The following SLC35F3 variants were observed in gnomAD, a reference collection of about 807,000 sequenced individuals.
SLC35F3 encodes the protein putative thiamine transporter SLC35F3.
A neutral mutation model predicts 49.9 loss-of-function variants in SLC35F3; 25 were observed. The observed-to-expected ratio is 0.50, with a 90% CI of 0.37 to 0.70. The LOEUF is 0.70. SLC35F3 is among the 30% of genes least tolerant of loss of function. The pLI, the probability that SLC35F3 is intolerant of heterozygous loss-of-function variation, is 0.00. For synonymous variants in SLC35F3, 275 were observed against 265.4 expected (o/e 1.04, Z -0.35); for missense variants, 525 against 639.8 (o/e 0.82, Z 1.94).
intron 2 of SLC35F3, among the ~76,000 whole-genome samples, chr1:234,071,624 A>G (rs1236390059): frequency 6.6e-6 from 1 of 152,240 alleles, no homozygotes; most frequent in Non-Finnish European, 1.5e-5. Context: ...ATTTTTAGGA[A>G]TATTTAATGA....
chr1:234,142,659 C>CA lies in SLC35F3; in HGVS notation c.284-88748dup, dbSNP rs58116775. ...CCTTTGATAAAACTCATGCCAGCCT[C>CA]AAAAAAAAAACGCATGATGTGTCGC... On this transcript the variant is annotated intron_variant, in intron 2 of 7. Transcript: ENST00000366618. 5.0e-4 allele frequency among the ~76,000 whole-genome samples: 73 copies of CA among 146,904 alleles called. No individual in the cohort carries two copies. In the Middle Eastern group the frequency reaches 0.011, roughly 21 times the overall value.
At chr1:234,230,540 CTTTG>C (rs988655412) in intron 2 of SLC35F3, among the ~76,000 whole-genome samples, 88 of 152,196 alleles carry the variant, frequency 5.8e-4, no homozygotes, top group Admixed American at 9.2e-4. Flanking sequence ...CAAGCTACAG[CTTTG>C]TTTAAATTTC....
intron 2 of SLC35F3, among the ~76,000 whole-genome samples, chr1:234,013,959 C>T (rs1363180920): frequency 2.0e-5 from 3 of 152,018 alleles, no homozygotes; most frequent in African/African-American, 4.8e-5. Context: ...ATGAGGAAAG[C>T]CATACATCTG....
chr1:233,929,163 A>G (rs1662204726), intron 2 of SLC35F3, among the ~76,000 whole-genome samples: 1 of 152,158 alleles, frequency 6.6e-6, no homozygotes, highest in African/African-American at 2.4e-5. Context: ...CAATAATACA[A>G]TCTACCACAA....
intron 2 of SLC35F3, among the ~76,000 whole-genome samples, chr1:233,913,713 G>A (rs962438806): frequency 1.3e-5 from 2 of 152,196 alleles, no homozygotes; most frequent in African/African-American, 4.8e-5. Flanking sequence ...GAATTATCCT[G>A]CATAGAAACA....
intron 2 of SLC35F3, among the ~76,000 whole-genome samples, chr1:234,090,746 G>T (rs1280656450): frequency 6.6e-6 from 1 of 152,152 alleles, no homozygotes; most frequent in Non-Finnish European, 1.5e-5. Flanking sequence ...AGGGTCAGTG[G>T]TCTCAACCAG....
At chr1:234,291,176 G>A (rs1411815760) in intron 3 of SLC35F3, among the ~76,000 whole-genome samples, 1 of 152,168 alleles carries the variant, frequency 6.6e-6, no homozygotes, top group African/African-American at 2.4e-5. Context: ...AATCACTGTA[G>A]CCAAAAAAGC....
intron 2 of SLC35F3, among the ~76,000 whole-genome samples, chr1:234,227,920 T>C (rs2102948820): frequency 6.6e-6 from 1 of 152,370 alleles, no homozygotes; most frequent in East Asian, 1.9e-4. Context: ...CTAGAAATGA[T>C]GTCAAGTGTG....
In SLC35F3 at chr1:234,266,885, T is replaced by G. The variant is rs536418241; in HGVS notation, c.608+35144T>G. Among the ~76,000 whole-genome samples the G allele has an allele frequency of 1.4e-3, 198 of 145,608 alleles. 1 individual carries two copies. The highest frequency in any genetic ancestry group is 4.0e-3 in the African/African-American group (150 of 37,114). On this transcript the variant is annotated intron_variant, in intron 3 of 7. Coordinates refer to ENST00000366618, the MANE Select transcript of SLC35F3 (RefSeq NM_173508.4). ...TATGAAGCACATGGTTTTTTTTTTT[T>G]TTTTTTTTTTTTATTGATCATTCTT...
chr1:234,088,403 T>C (rs1664991360), intron 2 of SLC35F3, among the ~76,000 whole-genome samples: 2 of 152,204 alleles, frequency 1.3e-5, no homozygotes, highest in Admixed American at 1.3e-4. Flanking sequence ...AAAGGGATTT[T>C]TGCCATGTTG....
At chr1:234,239,671 T>C (rs1036279684) in intron 3 of SLC35F3, among the ~76,000 whole-genome samples, 6 of 152,226 alleles carry the variant, frequency 3.9e-5, no homozygotes, top group Non-Finnish European at 5.9e-5. Context: ...TCTGTCCTTA[T>C]AGGAAGGAAC....
At chr1:234,309,851 C>T (rs1276716142) in intron 4 of SLC35F3, among the ~76,000 whole-genome samples, 1 of 152,198 alleles carries the variant, frequency 6.6e-6, no homozygotes, top group Non-Finnish European at 1.5e-5. Flanking sequence ...ATGCTAAGTC[C>T]CAACTGTGAA....
chr1:234,245,618 C>T (rs1667618731), intron 3 of SLC35F3, among the ~76,000 whole-genome samples: 1 of 142,452 alleles, frequency 7.0e-6, no homozygotes, highest in South Asian at 2.4e-4. Context: ...TGGCTTTTCC[C>T]CTGCTCCATG....
intron 2 of SLC35F3, among the ~76,000 whole-genome samples, chr1:234,151,652 G>A (rs910679499): frequency 3.3e-5 from 5 of 152,008 alleles, no homozygotes; most frequent in Admixed American, 1.3e-4. Flanking sequence ...GCATATAAAC[G>A]TAGCGTCGTG....
At chr1:234,319,834 C>A (rs61824467) in intron 6 of SLC35F3, among the ~76,000 whole-genome samples, 11,169 of 152,266 alleles carry the variant, frequency 0.073, 448 homozygotes, top group African/African-American at 0.11. Context: ...GTCCCAGTCA[C>A]CTTCTCAGTG....
chr1:234,065,000 C>A (rs1424811893), intron 2 of SLC35F3, among the ~76,000 whole-genome samples: 2 of 152,106 alleles, frequency 1.3e-5, no homozygotes, highest in Non-Finnish European at 2.9e-5. Context: ...CTTAAGTAAC[C>A]TGGTTATAAC....
chr1:234,267,914 G>GATGGGATGGCGGCCGGGCAGAGACA (rs1558091867), intron 3 of SLC35F3, among the ~76,000 whole-genome samples: 2 of 109,060 alleles, frequency 1.8e-5, no homozygotes, highest in Non-Finnish European at 3.9e-5. Flanking sequence ...GGGCAGAGAC[G>GATGGGATGGCGGCCGGGCAGAGACA]CTCCTCACTT....
chr1:233,953,362 G>A (rs1662640866), intron 2 of SLC35F3, among the ~76,000 whole-genome samples: 1 of 152,178 alleles, frequency 6.6e-6, no homozygotes, highest in South Asian at 2.1e-4. Flanking sequence ...TTATAGCTGG[G>A]AATTCACTGA....
intron 2 of SLC35F3, among the ~76,000 whole-genome samples, chr1:233,984,185 T>C (rs1275292230): frequency 6.6e-6 from 1 of 152,208 alleles, no homozygotes; most frequent in Non-Finnish European, 1.5e-5. Context: ...TCTCTTTTGT[T>C]CACCTAAGCT....
Sources: allele counts gnomAD v4.1 joint callset (sites outside exome capture counted in the v4.1 genomes callset), GRCh38; gene constraint gnomAD v4.1.1; transcripts MANE v1.5; gene names NCBI Gene and HGNC (gene_info 2026-07-23, HGNC 2026-07-21).